The following CCDC174 variants were observed in gnomAD, a reference collection of about 807,000 sequenced individuals.
CCDC174 encodes coiled-coil domain-containing protein 174.
CCDC174 carries 37 observed loss-of-function variants against 57.1 expected under a neutral mutation model. That is an observed-to-expected ratio of 0.65 (90% CI 0.50 to 0.85). CCDC174 has a LOEUF of 0.85. Among genes scored for constraint, CCDC174 ranks in the 40% least tolerant of loss-of-function variants. CCDC174 has a pLI of 0.00. For missense variants in CCDC174, 540 were observed against 574.3 expected, an observed-to-expected ratio of 0.94 and a Z score of 0.61; for synonymous variants, 182 against 190.2, an observed-to-expected ratio of 0.96 and a Z score of 0.35.
At position 14,666,920 on chromosome 3, in the gene CCDC174, G is replaced by A. The variant is rs145478230; in HGVS notation, c.697G>A (p.Val233Ile). Residue 233 changes from valine (V) to isoleucine (I), a missense_variant, in exon 7 of 11, where the codon GTA (valine) becomes ATA (isoleucine). By Grantham distance (29) the Val-to-Ile change is conservative. Coordinates refer to ENST00000383794, the MANE Select transcript of CCDC174 (RefSeq NM_016474.5). Reference sequence around the variant, plus strand: ...GGCCCTGAAGAGGCCCATGGGGCCCGTACATTATGAAGACATTCGGGAAAA... The same window carrying A: ...GGCCCTGAAGAGGCCCATGGGGCCCATACATTATGAAGACATTCGGGAAAA... The part of the protein sequence containing the change: ...REALKRPMGP[V>I]HYEDIRENEA... 334 of 1,586,366 alleles carry A rather than the reference G, an allele frequency of 2.1e-4. No homozygotes were observed. Among genetic ancestry groups the A allele is most frequent in the Middle Eastern group, 1.0e-3 (6 of 5,936 alleles).
At chr3:14,669,380 T>C (rs1166649510) in intron 9 of CCDC174, among the ~76,000 whole-genome samples, 1 of 152,222 alleles carries the variant, frequency 6.6e-6, no homozygotes, top group Non-Finnish European at 1.5e-5. Context: ...CAAATTTTGC[T>C]CCATCTCCTG....
rs751095927 is a variant in CCDC174, at chr3:14,671,461, G to C, written c.*267G>C. ...TAGAAGTATTTATTCTGTAAAATTAGACACTGAGATGTGCTTATAACCCTG... is the reference window on the plus strand; with the variant it reads ...TAGAAGTATTTATTCTGTAAAATTACACACTGAGATGTGCTTATAACCCTG... On this transcript the variant is annotated 3_prime_UTR_variant, in exon 11 of 11. Transcript: ENST00000383794. The C allele has an allele frequency of 5.2e-5, 22 of 420,180 alleles. No individual in the cohort carries two copies. Among genetic ancestry groups the C allele is most frequent in the African/African-American group, 4.2e-4 (21 of 49,598 alleles). 26.0% of individuals were successfully genotyped at this position (420,180 alleles called of 1,614,324 possible).
chr3:14,657,226 A>G (rs2030987227), intron 3 of CCDC174, among the ~76,000 whole-genome samples: 1 of 152,220 alleles, frequency 6.6e-6, no homozygotes, highest in South Asian at 2.1e-4. Flanking sequence ...GAGTCAAGAC[A>G]ACTGCAGGAT....
chr3:14,666,572 G>A (rs1165764024), intron 6 of CCDC174, among the ~76,000 whole-genome samples: 3 of 151,670 alleles, frequency 2.0e-5, no homozygotes, highest in Non-Finnish European at 2.9e-5. Flanking sequence ...GCAGTGAGCC[G>A]AGATCGTGCC....
chr3:14,668,078 CAT>C lies in CCDC174; in HGVS notation c.851_852del (p.Ile284LysfsTer33), dbSNP rs761652353. 8 of 1,597,310 alleles carry C rather than the reference CAT, an allele frequency of 5.0e-6. No individual in the cohort carries two copies. The highest frequency in any genetic ancestry group is 3.4e-5 in the South Asian group (3 of 87,630). On this transcript the variant is annotated frameshift_variant, in exon 9 of 11. Transcript: ENST00000383794. LOFTEE classifies it high-confidence loss of function. ...TTDQRTKREN[I>X]KEKRKAILEA... is the part of the protein sequence containing the mutation. ...CAGATCAGAGAACAAAACGAGAAAA[CAT>C]AAAGGAAAAGCGAAAGGCTATCTTA... is the stretch of plus-strand genomic sequence containing the variant.
intron 9 of CCDC174, among the ~76,000 whole-genome samples, chr3:14,668,777 A>G (rs1296752122): frequency 3.3e-5 from 5 of 152,204 alleles, no homozygotes; most frequent in African/African-American, 7.2e-5. Flanking sequence ...CAAACAAAAT[A>G]GAGATCTGTT....
chr3:14,661,718 T>A lies in CCDC174; in HGVS notation c.485+11T>A. On this transcript the variant is annotated intron_variant, in intron 5 of 10. Coordinates refer to ENST00000383794, the MANE Select transcript of CCDC174 (RefSeq NM_016474.5). ...CCCCAGTGAAGAATGGTTGGTAACA[T>A]CATGGATTAGCTCAGAGGAACATCC... 1 of 1,606,364 alleles carries A rather than the reference T, an allele frequency of 6.2e-7. No individual in the cohort carries two copies. The highest frequency in any genetic ancestry group is 8.5e-7 in the Non-Finnish European group (1 of 1,176,844).
intron 9 of CCDC174, 44 bp downstream of exon 9, chr3:14,668,225 A>G (rs201692929): frequency 4.6e-6 from 7 of 1,533,616 alleles, no homozygotes; most frequent in South Asian, 1.2e-5. Flanking sequence ...GGAAAATTTT[A>G]TTTCCATTGA....
intron 4 of CCDC174, among the ~76,000 whole-genome samples, chr3:14,660,652 A>G (rs889041530): frequency 6.6e-6 from 1 of 152,228 alleles, no homozygotes; most frequent in Non-Finnish European, 1.5e-5. Context: ...CTCCTGATAG[A>G]TATGTCAGAC....
At chr3:14,657,247 C>G (rs555043203) in intron 3 of CCDC174, among the ~76,000 whole-genome samples, 10 of 152,320 alleles carry the variant, frequency 6.6e-5, no homozygotes, top group Admixed American at 2.0e-4. Context: ...GTCTGCCTCC[C>G]TCCAGAGCTC....
chr3:14,655,840 C>G (rs2030941317), intron 3 of CCDC174, among the ~76,000 whole-genome samples: 1 of 152,186 alleles, frequency 6.6e-6, no homozygotes, highest in Admixed American at 6.5e-5. Flanking sequence ...TAAGATGAAA[C>G]ATTCTTGCTG....
chr3:14,665,176 G>T, intron 6 of CCDC174, 53 bp downstream of exon 6: 1 of 1,268,936 alleles, frequency 7.9e-7, no homozygotes, highest in Non-Finnish European at 1.2e-6. Flanking sequence ...GCAGCCACAG[G>T]GATTGTTTTG....
intron 4 of CCDC174, among the ~76,000 whole-genome samples, chr3:14,659,812 G>A (rs1202211967): frequency 6.6e-6 from 1 of 152,186 alleles, no homozygotes; most frequent in Admixed American, 6.5e-5. Context: ...TATGTAATCA[G>A]GGAAGTCTTT....
At chr3:14,658,984 ATATTAC>A in intron 4 of CCDC174, 55 bp downstream of exon 4, 1 of 1,387,844 alleles carries the variant, frequency 7.2e-7, no homozygotes, top group South Asian at 1.2e-5. Flanking sequence ...CAGCCCTTTG[ATATTAC>A]ATTACTTGTT....
chr3:14,654,373 C>T, intron 1 of CCDC174, 53 bp from the exon 2 acceptor site: 1 of 894,154 alleles, frequency 1.1e-6, no homozygotes, highest in South Asian at 1.5e-5. Context: ...ATTTAGCAAT[C>T]CAGTCACCTG....
chr3:14,662,229 G>T (rs2031163546), intron 5 of CCDC174, among the ~76,000 whole-genome samples: 1 of 152,110 alleles, frequency 6.6e-6, no homozygotes, highest in Non-Finnish European at 1.5e-5. Context: ...CCTTTTACTG[G>T]CTGTATGATC....
At chr3:14,667,580 A>G (rs2031384164) in intron 8 of CCDC174, 62 bp downstream of exon 8, 3 of 1,220,520 alleles carry the variant, frequency 2.5e-6, no homozygotes, top group Non-Finnish European at 2.4e-6. Flanking sequence ...TTGCTGGACC[A>G]TACTGCAGAA....
chr3:14,665,874 CAAA>C (rs376959519), intron 6 of CCDC174, among the ~76,000 whole-genome samples: 2 of 141,524 alleles, frequency 1.4e-5, no homozygotes, highest in Non-Finnish European at 1.5e-5. Flanking sequence ...ACTGAAAATA[CAAA>C]AAAAAAAAAA....
intron 3 of CCDC174, 95 bp downstream of exon 3, chr3:14,655,724 T>G: frequency 1.4e-6 from 1 of 724,168 alleles, no homozygotes; most frequent in Non-Finnish European, 2.3e-6. Flanking sequence ...TTTACAAATT[T>G]TATTTTTAAC....
Sources: gnomAD v4.1 joint callset for allele counts (sites outside exome capture counted in the v4.1 genomes callset) on GRCh38, gnomAD v4.1.1 for gene constraint, MANE v1.5 for transcripts, NCBI Gene and HGNC (gene_info 2026-07-23, HGNC 2026-07-21) for gene names.